The following PABPC4L variants were observed in gnomAD, a reference collection of about 807,000 sequenced individuals.
The protein encoded by PABPC4L is polyadenylate-binding protein 4-like.
For synonymous variants in PABPC4L, 169 were observed against 164.1 expected (o/e 1.03, Z -0.23); for missense variants, 452 against 451.4 (o/e 1.00, Z -0.01).
chr4:134,176,713 T>C, the PABPC4L span, among the ~76,000 whole-genome samples: 1 of 152,006 alleles, frequency 6.6e-6, no homozygotes, highest in Non-Finnish European at 1.5e-5. Flanking sequence ...AGCTGGGTGC[T>C]AGCATGTTTG....
At chr4:134,025,138 C>T in the PABPC4L span, among the ~76,000 whole-genome samples, 2 of 150,664 alleles carry the variant, frequency 1.3e-5, no homozygotes, top group African/African-American at 4.9e-5. Flanking sequence ...TGAGACCTGC[C>T]TGGCATACAT....
chr4:133,974,997 G>A, the PABPC4L span, among the ~76,000 whole-genome samples: 74 of 152,194 alleles, frequency 4.9e-4, no homozygotes, highest in African/African-American at 1.8e-3. Flanking sequence ...CACTCCAGGT[G>A]TATACCCAGG....
the PABPC4L span, among the ~76,000 whole-genome samples, chr4:133,984,655 C>T: frequency 1.7e-4 from 26 of 151,982 alleles, no homozygotes; most frequent in Admixed American, 4.6e-4. Context: ...GTAGGTGTGA[C>T]ATGAAATTTC....
chr4:134,120,222 G>A, the PABPC4L span, among the ~76,000 whole-genome samples: 2 of 148,272 alleles, frequency 1.3e-5, no homozygotes, highest in South Asian at 2.1e-4. Flanking sequence ...CTAGCTCCAA[G>A]CCCTAACCAG....
the PABPC4L span, among the ~76,000 whole-genome samples, chr4:134,090,554 A>AAGGAGTTGGAGACCAGCCG: frequency 6.6e-6 from 1 of 152,000 alleles, no homozygotes; most frequent in Non-Finnish European, 1.5e-5. Flanking sequence ...GACTTGAGGC[A>AAGGAGTTGGAGACCAGCCG]AGGAGTTGGA....
At chr4:133,981,104 T>C in the PABPC4L span, among the ~76,000 whole-genome samples, 2,187 of 151,862 alleles carry the variant, frequency 0.014, 52 homozygotes, top group African/African-American at 0.048. Context: ...GAGGTTGCAG[T>C]GAGTGGAGAT....
At chr4:133,967,973 A>G in the PABPC4L span, among the ~76,000 whole-genome samples, 4 of 152,242 alleles carry the variant, frequency 2.6e-5, no homozygotes, top group Admixed American at 6.5e-5. Flanking sequence ...TTTAATATAA[A>G]GTGAGACAAT....
the PABPC4L span, among the ~76,000 whole-genome samples, chr4:134,148,670 G>C: frequency 3.7e-4 from 56 of 152,158 alleles, 2 homozygotes; most frequent in Admixed American, 3.4e-3. Context: ...ATAACCCAAG[G>C]AATTGTTTTA....
the PABPC4L span, among the ~76,000 whole-genome samples, chr4:134,092,565 C>G: frequency 6.6e-6 from 1 of 152,040 alleles, no homozygotes; most frequent in South Asian, 2.1e-4. Flanking sequence ...TAACACTTAG[C>G]CATCTATGGA....
At chr4:134,185,791 C>T in the PABPC4L span, among the ~76,000 whole-genome samples, 4 of 152,058 alleles carry the variant, frequency 2.6e-5, no homozygotes, top group Admixed American at 6.6e-5. Flanking sequence ...AAAACCCCAT[C>T]GTCTCAACCC....
the PABPC4L span, among the ~76,000 whole-genome samples, chr4:134,031,809 A>G: frequency 6.6e-6 from 1 of 151,938 alleles, no homozygotes; most frequent in Non-Finnish European, 1.5e-5. Flanking sequence ...AATGGAGAAG[A>G]TCCTTAATAA....
the PABPC4L span, among the ~76,000 whole-genome samples, chr4:134,120,558 T>C: frequency 3.3e-5 from 5 of 151,194 alleles, no homozygotes; most frequent in African/African-American, 1.2e-4. Context: ...AAAATTTTTT[T>C]AGTTTTTGTT....
the PABPC4L span, among the ~76,000 whole-genome samples, chr4:134,190,721 G>A: frequency 2.0e-5 from 3 of 151,886 alleles, no homozygotes; most frequent in East Asian, 5.8e-4. Flanking sequence ...GTGAAATCTC[G>A]GCTCACTGCA....
At chr4:134,015,070 C>T in the PABPC4L span, among the ~76,000 whole-genome samples, 11 of 151,972 alleles carry the variant, frequency 7.2e-5, no homozygotes, top group Middle Eastern at 3.2e-3. Flanking sequence ...AAGTATAAGA[C>T]ACCTCTACTC....
chr4:134,161,025 A>G, the PABPC4L span, among the ~76,000 whole-genome samples: 2 of 152,092 alleles, frequency 1.3e-5, 1 homozygote, highest in South Asian at 4.1e-4. Context: ...AGGAAGCTCA[A>G]TGAGCTTGAA....
chr4:133,993,517 T>C, the PABPC4L span, among the ~76,000 whole-genome samples: 1 of 152,230 alleles, frequency 6.6e-6, no homozygotes. Context: ...CAGATACATG[T>C]ACATATCTAA....
chr4:133,987,045 A>C, the PABPC4L span, among the ~76,000 whole-genome samples: 7 of 152,042 alleles, frequency 4.6e-5, no homozygotes. Flanking sequence ...TGAGACTTTC[A>C]ATTGTTGATA....
chr4:134,124,155 G>A, the PABPC4L span, among the ~76,000 whole-genome samples: 1 of 152,084 alleles, frequency 6.6e-6, no homozygotes, highest in Non-Finnish European at 1.5e-5. Context: ...AATAAGTACT[G>A]TGAAAGCTAA....
the PABPC4L span, among the ~76,000 whole-genome samples, chr4:134,126,678 G>A: frequency 6.6e-6 from 1 of 151,984 alleles, no homozygotes; most frequent in Admixed American, 6.6e-5. Flanking sequence ...TGTAGAGGCA[G>A]CTCCCACTTG....
Sources: allele counts gnomAD v4.1 joint callset (sites outside exome capture counted in the v4.1 genomes callset), GRCh38; gene constraint gnomAD v4.1.1; transcripts MANE v1.5; gene names NCBI Gene and HGNC (gene_info 2026-07-23, HGNC 2026-07-21).